Variants in YPEL2 observed in about 807,000 individuals in gnomAD.
YPEL2 encodes the protein protein yippee-like 2.
Under a neutral mutation model 19.1 loss-of-function variants are expected in YPEL2, and 2 were observed. The ratio of observed to expected loss-of-function variants is 0.10; its 90% CI spans 0.04 to 0.33. The LOEUF (loss-of-function observed/expected upper bound fraction) is 0.33. Among genes scored for constraint, YPEL2 ranks in the 10% least tolerant of loss-of-function variants. The pLI, the probability that YPEL2 is intolerant of heterozygous loss-of-function variation, is 1.00. For synonymous variants in YPEL2, 52 were observed against 50.0 expected (o/e 1.04, Z -0.17); for missense variants, 66 against 140.7 (o/e 0.47, Z 2.68).
At chr17:59,344,647 AC>A (rs1156550857) in intron 1 of YPEL2, among the ~76,000 whole-genome samples, 1 of 152,082 alleles carries the variant, frequency 6.6e-6, no homozygotes, top group African/African-American at 2.4e-5. Context: ...AATCCCAGCT[AC>A]CCGGGAGGGT....
At chr17:59,385,405 T>TC (rs1307343829) in intron 2 of YPEL2, among the ~76,000 whole-genome samples, 1 of 151,694 alleles carries the variant, frequency 6.6e-6, no homozygotes, top group Non-Finnish European at 1.5e-5. Context: ...ATGGCAAGAT[T>TC]CCGTCTCTAC....
At chr17:59,359,373 G>A (rs781413475) in intron 2 of YPEL2, among the ~76,000 whole-genome samples, 2 of 152,022 alleles carry the variant, frequency 1.3e-5, no homozygotes, top group Admixed American at 6.5e-5. Context: ...TCTGGAAAAC[G>A]GTATAGTGAG....
Position 59,376,986 on chromosome 17 carries a change from GGAAA to G in YPEL2, c.118-11332_118-11329del, listed in dbSNP as rs1400016947. 1.7e-4 allele frequency among the ~76,000 whole-genome samples: 24 copies of G among 144,288 alleles called. No homozygotes were observed. In the South Asian group the frequency reaches 4.0e-3, roughly 24 times the overall value. 94.7% of individuals were successfully genotyped at this position (144,288 alleles called of 152,430 possible). A position where few individuals can be genotyped will look rare whatever the true frequency, so the allele number is the denominator to read the frequency against. On this transcript the variant is annotated intron_variant, in intron 2 of 4. Transcript: ENST00000312655. ...AAAAAAAAAAAAAAACAAAGAAAAA[GGAAA>G]GAAAGAAAATATTTTGAAAGCAATC...
chr17:59,376,039 G>A (rs2047919251), intron 2 of YPEL2, among the ~76,000 whole-genome samples: 2 of 152,174 alleles, frequency 1.3e-5, no homozygotes, highest in African/African-American at 4.8e-5. Context: ...CAGTTCACAT[G>A]TGAAAGTGTT....
Position 59,378,266 on chromosome 17 carries a change from A to G in YPEL2, c.118-10061A>G, listed in dbSNP as rs149514067. 4.4e-3 allele frequency among the ~76,000 whole-genome samples: 675 copies of G among 151,962 alleles called. 7 individuals carry two copies. Among genetic ancestry groups the G allele is most frequent in the African/African-American group, 0.016 (643 of 41,374 alleles). On this transcript the variant is annotated intron_variant, in intron 2 of 4. Coordinates refer to ENST00000312655, the MANE Select transcript of YPEL2 (RefSeq NM_001005404.4). ...GACTGAGACTCCTAAAAGGACTCTA[A>G]AAGGGCCCAGTTTGTGTAGGTCAAC...
Position 59,353,330 on chromosome 17 carries a change from TC to T in YPEL2, c.-78del. ...CAAACCACGGCCTTTACCTGTGTCT[TC>T]CGGTGTTTCCCGTGCGACCCATCCT... On this transcript the variant is annotated 5_prime_UTR_variant, in exon 2 of 5. Transcript: ENST00000312655. The surrounding 1 kb of genome is among the most constrained non-coding windows in gnomAD (Gnocchi z 4.8). The T allele has an allele frequency of 1.9e-6, 2 of 1,039,380 alleles. No homozygotes were observed. Among genetic ancestry groups the T allele is most frequent in the South Asian group, 1.5e-5 (1 of 65,630 alleles). The allele number at this position is 1,039,380 out of a possible 1,614,324, so 64.4% of individuals were successfully genotyped here.
At chr17:59,349,173 CAAAAAAA>C (rs57129006) in intron 1 of YPEL2, among the ~76,000 whole-genome samples, 5 of 57,524 alleles carry the variant, frequency 8.7e-5, no homozygotes, top group Middle Eastern at 0.013. Context: ...GACTCCGTCT[CAAAAAAA>C]AAAAAAAAAA....
At chr17:59,370,352 T>C (rs563940190) in intron 2 of YPEL2, among the ~76,000 whole-genome samples, 21 of 152,236 alleles carry the variant, frequency 1.4e-4, no homozygotes, top group African/African-American at 1.7e-4. Context: ...TGGGAGCCAC[T>C]GCGCCCAGCC....
intron 2 of YPEL2, among the ~76,000 whole-genome samples, chr17:59,369,583 G>C (rs1411272222): frequency 1.3e-5 from 2 of 152,058 alleles, no homozygotes; most frequent in Non-Finnish European, 2.9e-5. Context: ...CTTCTGGCTC[G>C]CCTGACCCTA....
At chr17:59,339,306 G>T (rs1438924864) in intron 1 of YPEL2, among the ~76,000 whole-genome samples, 1 of 152,118 alleles carries the variant, frequency 6.6e-6, no homozygotes, top group Non-Finnish European at 1.5e-5. Context: ...AGTTTGTTTT[G>T]CTCGCGGGGC....
At chr17:59,337,382 G>A (rs2047705079) in intron 1 of YPEL2, among the ~76,000 whole-genome samples, 1 of 151,594 alleles carries the variant, frequency 6.6e-6, no homozygotes, top group South Asian at 2.1e-4. Flanking sequence ...GTAGAGATGG[G>A]GTTTCACCGT....
intron 2 of YPEL2, among the ~76,000 whole-genome samples, chr17:59,358,144 C>A (rs1567740581): frequency 6.6e-6 from 1 of 152,162 alleles, no homozygotes; most frequent in Non-Finnish European, 1.5e-5. Flanking sequence ...CAGGGCCATC[C>A]ACCTCATACC....
intron 4 of YPEL2, among the ~76,000 whole-genome samples, chr17:59,393,384 C>G (rs2048017974): frequency 6.6e-6 from 1 of 151,482 alleles, no homozygotes. Context: ...GTCTTCCTGC[C>G]TCAGCCTCTC....
chr17:59,348,398 G>A (rs544026960), intron 1 of YPEL2, among the ~76,000 whole-genome samples: 9 of 152,172 alleles, frequency 5.9e-5, no homozygotes, highest in East Asian at 3.9e-4. Context: ...CCCATCTCCC[G>A]CCCCTCCATC....
intron 1 of YPEL2, among the ~76,000 whole-genome samples, chr17:59,337,249 G>A (rs1048414301): frequency 3.3e-5 from 5 of 149,446 alleles, no homozygotes; most frequent in Admixed American, 6.7e-5. Flanking sequence ...GTGCAGTGGT[G>A]CAATCTCGGC....
At chr17:59,387,384 A>G (rs180991079) in intron 2 of YPEL2, among the ~76,000 whole-genome samples, 8 of 151,896 alleles carry the variant, frequency 5.3e-5, no homozygotes, top group African/African-American at 1.7e-4. Flanking sequence ...TCTGGTGCTC[A>G]CCTACCCTCT....
At chr17:59,340,576 C>T (rs1439623363) in intron 1 of YPEL2, among the ~76,000 whole-genome samples, 2 of 151,676 alleles carry the variant, frequency 1.3e-5, no homozygotes, top group African/African-American at 4.8e-5. Context: ...CCACCTCGCT[C>T]GGCTAATTTT....
At chr17:59,385,362 T>C (rs1026471123) in intron 2 of YPEL2, among the ~76,000 whole-genome samples, 1 of 152,114 alleles carries the variant, frequency 6.6e-6, no homozygotes, top group African/African-American at 2.4e-5. Flanking sequence ...GTGGATTGCT[T>C]GAGCTCAGGA....
intron 2 of YPEL2, among the ~76,000 whole-genome samples, chr17:59,380,353 T>C (rs977506369): frequency 5.5e-5 from 8 of 144,888 alleles, no homozygotes; most frequent in Non-Finnish European, 9.0e-5. Context: ...CTCGACAACC[T>C]GTGCCTCCTA....
Sources: gnomAD v4.1 joint callset for allele counts (sites outside exome capture counted in the v4.1 genomes callset) on GRCh38, gnomAD v4.1.1 for gene constraint, Gnocchi (gnomAD v3.1) non-coding constraint, MANE v1.5 for transcripts, NCBI Gene and HGNC (gene_info 2026-07-23, HGNC 2026-07-21) for gene names.